The following CSMD3 variants were observed in gnomAD, a reference collection of about 807,000 sequenced individuals.
The protein encoded by CSMD3 is CUB and Sushi multiple domains 3, also known as CUB and sushi domain-containing protein 3.
CSMD3 carries 177 observed loss-of-function variants against 435.2 expected under a neutral mutation model. The observed-to-expected ratio is 0.41, with a 90% CI of 0.36 to 0.46. The LOEUF (loss-of-function observed/expected upper bound fraction) is 0.46. Ranked by LOEUF, CSMD3 falls within the 20% of genes least tolerant of loss-of-function variation. The pLI is 0.34. For synonymous variants in CSMD3, 1,656 were observed against 1,520.5 expected (o/e 1.09, Z -2.07); for missense variants, 4,265 against 4,504.6 (o/e 0.95, Z 1.52).
intron 13 of CSMD3, among the ~76,000 whole-genome samples, chr8:112,748,538 G>A (rs2077493524): frequency 6.6e-6 from 1 of 151,702 alleles, no homozygotes; most frequent in Non-Finnish European, 1.5e-5. Flanking sequence ...TGTTTTCTTT[G>A]TGCTCTTTAG....
intron 23 of CSMD3, among the ~76,000 whole-genome samples, chr8:112,585,790 T>G (rs1830677611): frequency 6.6e-6 from 1 of 151,660 alleles, no homozygotes; most frequent in Non-Finnish European, 1.5e-5. Context: ...ACAGATCTTA[T>G]CTATGCATTG....
At chr8:113,278,511 T>A (rs2093588860) in intron 3 of CSMD3, 81 bp downstream of exon 3, 1 of 739,452 alleles carries the variant, frequency 1.4e-6, no homozygotes. Context: ...TTGTCTCAAA[T>A]GTTGATTCTT....
At chr8:113,221,565 C>T (rs983791936) in intron 3 of CSMD3, among the ~76,000 whole-genome samples, 2 of 151,142 alleles carry the variant, frequency 1.3e-5, no homozygotes, top group Non-Finnish European at 3.0e-5. Context: ...GGTTATCTTG[C>T]AACTGATTTC....
intron 4 of CSMD3, among the ~76,000 whole-genome samples, chr8:113,147,835 T>C (rs540594874): frequency 1.8e-4 from 28 of 151,782 alleles, no homozygotes; most frequent in African/African-American, 6.5e-4. Flanking sequence ...ATAACAAATC[T>C]TTGTTAATTC....
intron 27 of CSMD3, among the ~76,000 whole-genome samples, chr8:112,527,190 G>T (rs1301588113): frequency 6.6e-6 from 1 of 151,710 alleles, no homozygotes; most frequent in Non-Finnish European, 1.5e-5. Context: ...AAATCAAGAT[G>T]CAACCATAAG....
At chr8:112,850,596 T>C (rs886166498) in intron 11 of CSMD3, among the ~76,000 whole-genome samples, 6 of 152,208 alleles carry the variant, frequency 3.9e-5, no homozygotes, top group African/African-American at 1.4e-4. Context: ...TGTGAATGAC[T>C]TCATTATTGA....
At chr8:112,241,569 T>G (rs1656956060) in intron 66 of CSMD3, 151 bp downstream of exon 66, 3 of 635,528 alleles carry the variant, frequency 4.7e-6, no homozygotes, top group Admixed American at 2.7e-5. Flanking sequence ...TACATTGCTT[T>G]AAATTCAACA....
At chr8:112,331,922 G>A (rs1377174670) in intron 45 of CSMD3, among the ~76,000 whole-genome samples, 1 of 151,966 alleles carries the variant, frequency 6.6e-6, no homozygotes, top group Non-Finnish European at 1.5e-5. Context: ...TTATGACATT[G>A]AGCTTATAGC....
chr8:113,100,699 T>C (rs1480447), intron 4 of CSMD3, among the ~76,000 whole-genome samples: 102,209 of 152,058 alleles, frequency 0.67, 35,965 homozygotes, highest in East Asian at 0.95. Flanking sequence ...TAGCTCAATG[T>C]AGCCATTCCA....
intron 36 of CSMD3, among the ~76,000 whole-genome samples, chr8:112,386,651 C>T (rs922640804): frequency 6.6e-6 from 1 of 152,090 alleles, no homozygotes; most frequent in Admixed American, 6.5e-5. Flanking sequence ...GCGCCCGCCA[C>T]CACGCCCGGC....
At chr8:113,173,489 T>C (rs909440651) in intron 4 of CSMD3, among the ~76,000 whole-genome samples, 1 of 151,872 alleles carries the variant, frequency 6.6e-6, no homozygotes. Context: ...ACATGGCCAA[T>C]TTTTGTATTT....
At chr8:112,895,128 G>C (rs921137077) in intron 10 of CSMD3, among the ~76,000 whole-genome samples, 18 of 151,242 alleles carry the variant, frequency 1.2e-4, no homozygotes, top group African/African-American at 4.1e-4. Flanking sequence ...AGACAGTCTG[G>C]TGATATAACA....
At chr8:112,664,267 G>A (rs2075462388) in intron 17 of CSMD3, among the ~76,000 whole-genome samples, 1 of 151,988 alleles carries the variant, frequency 6.6e-6, no homozygotes, top group Non-Finnish European at 1.5e-5. Context: ...TGAAAAATAT[G>A]GATGAAATCT....
intron 10 of CSMD3, among the ~76,000 whole-genome samples, chr8:112,915,349 C>T (rs2082542874): frequency 6.6e-6 from 1 of 151,502 alleles, no homozygotes; most frequent in South Asian, 2.1e-4. Context: ...CTCATTTTAT[C>T]CCCATTAAAT....
chr8:113,199,905 C>T (rs2092699553), intron 3 of CSMD3, among the ~76,000 whole-genome samples: 2 of 151,832 alleles, frequency 1.3e-5, no homozygotes, highest in South Asian at 4.1e-4. Context: ...AGCTGCTCTT[C>T]CAGGTGCAGG....
chr8:112,870,869 G>C (rs763518013), intron 10 of CSMD3, among the ~76,000 whole-genome samples: 13 of 151,516 alleles, frequency 8.6e-5, no homozygotes, highest in Non-Finnish European at 1.3e-4. Context: ...TTTACAAGAT[G>C]CAATGGGAGT....
chr8:112,518,627 TGTGAGAGAGAGAGA>T (rs935984402), intron 27 of CSMD3, among the ~76,000 whole-genome samples: 1 of 132,936 alleles, frequency 7.5e-6, no homozygotes, highest in Non-Finnish European at 1.6e-5. Context: ...TGTGTGTGTG[TGTGAGAGAGAGAGA>T]GAGAGAGAGA....
Position 112,493,718 on chromosome 8 carries a change from TATGTA to T in CSMD3, c.5084-1040_5084-1036del, listed in dbSNP as rs1423278327. Among the ~76,000 whole-genome samples the T allele has an allele frequency of 3.9e-5, 6 of 152,220 alleles. No individual in the cohort carries two copies. The Middle Eastern group carries it at 0.014, about 345-fold the overall frequency. On this transcript the variant is annotated intron_variant, in intron 30 of 70. Transcript: ENST00000297405. ...AGAGACTGACAGAATAATTTGAAAA[TATGTA>T]GAGAAATGGAAAGATTAGCTCATTC...
At chr8:113,114,725 G>A (rs1030158052) in intron 4 of CSMD3, among the ~76,000 whole-genome samples, 1 of 152,074 alleles carries the variant, frequency 6.6e-6, no homozygotes, top group Non-Finnish European at 1.5e-5. Context: ...TTTAGGGTTG[G>A]AGATGAATTA....
Sources: allele counts gnomAD v4.1 joint callset (sites outside exome capture counted in the v4.1 genomes callset), GRCh38; gene constraint gnomAD v4.1.1; transcripts MANE v1.5; gene names NCBI Gene and HGNC (gene_info 2026-07-23, HGNC 2026-07-21).